PVT1: variants seen among roughly 807,000 people sequenced by gnomAD.
PVT1 encodes the protein Pvt1 oncogene, also known as CXCR4/PVT1 fusion.
At chr8:127,957,012 C>T (rs1384491015) in intron 3 of PVT1, among the ~76,000 whole-genome samples, 1 of 152,120 alleles carries the variant, frequency 6.6e-6, no homozygotes. Context: ...AGTGATTAAC[C>T]AGTCATCACT....
intron 3 of PVT1, chr8:127,960,729 A>G (rs769969334): frequency 6.0e-6 from 3 of 496,940 alleles, no homozygotes; most frequent in South Asian, 4.7e-5. Flanking sequence ...TGAGGCATAG[A>G]TAACTGTTTT....
chr8:127,801,441 A>G (rs1434272594), intron 2 of PVT1, among the ~76,000 whole-genome samples: 2 of 152,052 alleles, frequency 1.3e-5, no homozygotes, highest in South Asian at 2.1e-4. Flanking sequence ...GGGTTTCACC[A>G]TGTTGGCCAG....
chr8:127,976,342 A>G (rs1816822692), intron 3 of PVT1, among the ~76,000 whole-genome samples: 1 of 152,116 alleles, frequency 6.6e-6, no homozygotes. Flanking sequence ...GTTTATTATT[A>G]TTACTAATAA....
At chr8:127,883,781 C>G (rs2129791518) in intron 2 of PVT1, among the ~76,000 whole-genome samples, 1 of 152,268 alleles carries the variant, frequency 6.6e-6, no homozygotes, top group South Asian at 2.1e-4. Context: ...GCCACGTTTT[C>G]TTGTGGGGCA....
intron 2 of PVT1, among the ~76,000 whole-genome samples, chr8:127,828,083 G>A (rs1448646393): frequency 1.3e-5 from 2 of 152,170 alleles, no homozygotes; most frequent in Non-Finnish European, 2.9e-5. Context: ...TGAGGGGTGG[G>A]CAGGGTGTGT....
intron 2 of PVT1, among the ~76,000 whole-genome samples, chr8:127,824,798 A>T (rs947837872): frequency 3.9e-5 from 6 of 152,084 alleles, no homozygotes; most frequent in African/African-American, 1.4e-4. Flanking sequence ...TCTTTCTCCC[A>T]ATTTTATCTG....
intron 4 of PVT1, among the ~76,000 whole-genome samples, chr8:128,015,341 C>A (rs866206640): frequency 6.6e-5 from 10 of 152,020 alleles, no homozygotes; most frequent in Non-Finnish European, 1.5e-5. Context: ...CTGCCCATCT[C>A]GGCCTCCCAA....
rs1314038599 is a variant in PVT1 at position 127,872,866 on chromosome 8, A to G, written n.373-17723A>G. On this transcript the variant is annotated intron_variant and non_coding_transcript_variant, in intron 2 of 10. Coordinates refer to ENST00000651587, the Ensembl canonical transcript of PVT1. ...GTGGTCCCTGGTCCTTTGTGGTTTG[A>G]GATATATTCTTTGTCCCCACGCCTG... is the stretch of plus-strand genomic sequence containing the variant. Among the ~76,000 whole-genome samples, 6 of 152,276 alleles carry G rather than the reference A, an allele frequency of 3.9e-5. No individual in the cohort carries two copies. The South Asian group carries it at 1.0e-3, about 26-fold the overall frequency.
At chr8:127,960,061 G>A (rs1816621197) in intron 3 of PVT1, among the ~76,000 whole-genome samples, 2 of 152,172 alleles carry the variant, frequency 1.3e-5, no homozygotes, top group Non-Finnish European at 2.9e-5. Context: ...AACCCAGGAT[G>A]ACATGATTTC....
At chr8:127,944,205 A>C (rs948857842) in intron 3 of PVT1, among the ~76,000 whole-genome samples, 4 of 152,110 alleles carry the variant, frequency 2.6e-5, no homozygotes, top group African/African-American at 9.7e-5. Context: ...CTCCTGCTTC[A>C]ACATCCCAAA....
intron 4 of PVT1, among the ~76,000 whole-genome samples, chr8:128,029,825 G>A (rs1368189936): frequency 1.3e-5 from 2 of 152,202 alleles, no homozygotes; most frequent in African/African-American, 2.4e-5. Flanking sequence ...AAAAACACTT[G>A]TTGCTGGGTG....
chr8:127,900,831 C>T (rs111825823), intron 3 of PVT1, among the ~76,000 whole-genome samples: 1 of 152,176 alleles, frequency 6.6e-6, no homozygotes, highest in Admixed American at 6.5e-5. Flanking sequence ...AGGTTCCTTC[C>T]CTGAGAGCCT....
chr8:128,012,346 T>C (rs16902542), intron 4 of PVT1, among the ~76,000 whole-genome samples: 2,479 of 152,300 alleles, frequency 0.016, 66 homozygotes, highest in African/African-American at 0.056. Flanking sequence ...GAGGCTGATG[T>C]TTTTCTGTTT....
At chr8:128,087,747 C>CTTTTTTTTTTTTTTTTT (rs71568675) in intron 5 of PVT1, among the ~76,000 whole-genome samples, 4 of 76,588 alleles carry the variant, frequency 5.2e-5, no homozygotes, top group African/African-American at 2.0e-4. Flanking sequence ...TGATGTGCTA[C>CTTTTTTTTTTTTTTTTT]TTTTTTTTTT....
At chr8:127,845,477 T>C (rs1815021174) in intron 2 of PVT1, among the ~76,000 whole-genome samples, 2 of 151,996 alleles carry the variant, frequency 1.3e-5, no homozygotes, top group Admixed American at 6.6e-5. Flanking sequence ...AGTTTAACAG[T>C]ATTTGAAGCA....
At chr8:127,960,178 T>C (rs1422089726) in intron 3 of PVT1, among the ~76,000 whole-genome samples, 2 of 152,242 alleles carry the variant, frequency 1.3e-5, no homozygotes, top group East Asian at 3.8e-4. Context: ...TACAGCCTGT[T>C]ACTGCAGTTT....
chr8:127,920,368 C>A (rs2129864221), intron 3 of PVT1, among the ~76,000 whole-genome samples: 1 of 152,270 alleles, frequency 6.6e-6, no homozygotes, highest in Non-Finnish European at 1.5e-5. Flanking sequence ...TGTGGGTTAC[C>A]CAGAAGCCCA....
intron 3 of PVT1, chr8:127,932,426 A>G: frequency 2.5e-6 from 1 of 398,622 alleles, no homozygotes; most frequent in East Asian, 3.6e-5. Context: ...ACATGCGAGA[A>G]CTATTGTCAC....
At chr8:127,834,192 A>G (rs1050506818) in intron 2 of PVT1, among the ~76,000 whole-genome samples, 2 of 152,172 alleles carry the variant, frequency 1.3e-5, no homozygotes, top group African/African-American at 4.8e-5. Flanking sequence ...TACAGTAGCC[A>G]AAACAGCATG....
Sources: gnomAD v4.1 joint callset for allele counts (sites outside exome capture counted in the v4.1 genomes callset) on GRCh38, gnomAD v4.1.1 for gene constraint, MANE v1.5 for transcripts, NCBI Gene and HGNC (gene_info 2026-07-23, HGNC 2026-07-21) for gene names.